DNAJC1: variants seen among roughly 807,000 people sequenced by gnomAD.
DNAJC1 encodes the protein DnaJ heat shock protein family (Hsp40) member C1.
DNAJC1 carries 58 observed loss-of-function variants against 76.6 expected under a neutral mutation model. The ratio of observed to expected loss-of-function variants is 0.76; its 90% CI spans 0.61 to 0.94. DNAJC1 has a LOEUF of 0.94. Ranked by LOEUF, DNAJC1 falls within the 40% of genes least tolerant of loss-of-function variation. The pLI, the probability that DNAJC1 is intolerant of heterozygous loss-of-function variation, is 0.00. For synonymous variants in DNAJC1, 258 were observed against 267.9 expected (o/e 0.96, Z 0.36); for missense variants, 689 against 677.3 (o/e 1.02, Z -0.19).
chr10:21,890,177 TG>T (rs72513867), intron 7 of DNAJC1, among the ~76,000 whole-genome samples: 5 of 56,410 alleles, frequency 8.9e-5, no homozygotes, highest in South Asian at 1.5e-3. Context: ...TTTGGGAGGC[TG>T]GGGGGGGGTG....
intron 8 of DNAJC1, among the ~76,000 whole-genome samples, chr10:21,874,867 T>C (rs1836158856): frequency 6.6e-6 from 1 of 152,108 alleles, no homozygotes; most frequent in East Asian, 1.9e-4. Context: ...TAAAAGTTTT[T>C]TTGTTTTGTT....
intron 9 of DNAJC1, among the ~76,000 whole-genome samples, chr10:21,778,725 C>A (rs1274086325): frequency 6.6e-6 from 1 of 152,212 alleles, no homozygotes; most frequent in Non-Finnish European, 1.5e-5. Context: ...GTTCATCTCA[C>A]TGGGGCTTGT....
chr10:21,865,342 T>C (rs766252811), intron 8 of DNAJC1: 6 of 152,102 alleles, frequency 3.9e-5, no homozygotes, highest in Non-Finnish European at 7.3e-5. Flanking sequence ...AAATAGTGAA[T>C]GAATTAAAAA....
intron 8 of DNAJC1, among the ~76,000 whole-genome samples, chr10:21,845,861 C>G (rs1349921194): frequency 1.3e-5 from 2 of 151,522 alleles, no homozygotes; most frequent in Non-Finnish European, 2.9e-5. Flanking sequence ...GGTAATATGC[C>G]CCCAGGAAGA....
chr10:21,971,942 G>C (rs1036973046), intron 1 of DNAJC1, among the ~76,000 whole-genome samples: 1 of 151,676 alleles, frequency 6.6e-6, no homozygotes, highest in African/African-American at 2.4e-5. Flanking sequence ...TCAAAAATTG[G>C]ACTCTATAAT....
chr10:21,906,838 A>AT (rs1487933080), intron 6 of DNAJC1, among the ~76,000 whole-genome samples: 3 of 152,192 alleles, frequency 2.0e-5, no homozygotes, highest in Non-Finnish European at 4.4e-5. Context: ...AACAGTTAGA[A>AT]TGATATCTTC....
At chr10:21,954,473 C>T (rs544068300) in intron 1 of DNAJC1, among the ~76,000 whole-genome samples, 6 of 152,206 alleles carry the variant, frequency 3.9e-5, no homozygotes, top group Middle Eastern at 3.4e-3. Flanking sequence ...ATATCTCAGT[C>T]GAAGGGCTAC....
At chr10:21,907,610 A>C (rs934929015) in intron 6 of DNAJC1, among the ~76,000 whole-genome samples, 1 of 152,148 alleles carries the variant, frequency 6.6e-6, no homozygotes, top group Admixed American at 6.5e-5. Context: ...CAATATCTCA[A>C]GGTTTATTAC....
chr10:21,833,271 A>G (rs952547747), intron 8 of DNAJC1, among the ~76,000 whole-genome samples: 8 of 152,138 alleles, frequency 5.3e-5, no homozygotes, highest in Admixed American at 1.3e-4. Context: ...GGAGTTTGAG[A>G]CCAGCCTGGC....
chr10:21,849,292 CAAAAAAAAAA>C (rs33953332), intron 8 of DNAJC1, among the ~76,000 whole-genome samples: 8 of 35,860 alleles, frequency 2.2e-4, no homozygotes, highest in South Asian at 1.6e-3. Flanking sequence ...GACTCCGCCT[CAAAAAAAAAA>C]AAAAAAAAAA....
chr10:21,939,136 A>C (rs1324857363), intron 1 of DNAJC1, among the ~76,000 whole-genome samples: 1 of 151,992 alleles, frequency 6.6e-6, no homozygotes, highest in East Asian at 1.9e-4. Context: ...TGATTCACCT[A>C]CCTCAGCCTC....
chr10:21,889,207 G>A (rs555695461), intron 7 of DNAJC1, among the ~76,000 whole-genome samples: 3 of 152,038 alleles, frequency 2.0e-5, no homozygotes, highest in Admixed American at 6.6e-5. Context: ...GGGCAGAAAC[G>A]AGAGAGAGAG....
At chr10:21,976,769 C>T (rs1230498046) in intron 1 of DNAJC1, among the ~76,000 whole-genome samples, 1 of 152,164 alleles carries the variant, frequency 6.6e-6, no homozygotes, top group Non-Finnish European at 1.5e-5. Context: ...CTAGAGAATT[C>T]TGCCTTCCTT....
At chr10:21,806,141 A>C in intron 8 of DNAJC1, 42 bp from the exon 9 acceptor site, 1 of 1,555,202 alleles carries the variant, frequency 6.4e-7, no homozygotes, top group Non-Finnish European at 8.7e-7. Flanking sequence ...AATTGGGAGA[A>C]AATAAAAAGA....
At chr10:21,796,467 T>C (rs1403514991) in intron 9 of DNAJC1, among the ~76,000 whole-genome samples, 1 of 152,194 alleles carries the variant, frequency 6.6e-6, no homozygotes, top group East Asian at 1.9e-4. Flanking sequence ...TAGAAGTTTT[T>C]CTAGAATTGC....
chr10:21,960,637 C>A (rs564673540), intron 1 of DNAJC1, among the ~76,000 whole-genome samples: 5 of 152,230 alleles, frequency 3.3e-5, no homozygotes, highest in Admixed American at 2.0e-4. Context: ...CTGCAGTAAG[C>A]CAAAGTTGCA....
chr10:21,850,081 C>G (rs992981584), intron 8 of DNAJC1, among the ~76,000 whole-genome samples: 1 of 152,112 alleles, frequency 6.6e-6, no homozygotes, highest in East Asian at 1.9e-4. Context: ...CCCACTTTAG[C>G]CACTTCTGTT....
At chr10:21,851,880 C>T (rs1403790228) in intron 8 of DNAJC1, among the ~76,000 whole-genome samples, 1 of 151,720 alleles carries the variant, frequency 6.6e-6, no homozygotes, top group African/African-American at 2.4e-5. Context: ...CAGTGAAACC[C>T]CATCTCTACT....
At chr10:21,818,433 T>C (rs1835107605) in intron 8 of DNAJC1, among the ~76,000 whole-genome samples, 1 of 152,240 alleles carries the variant, frequency 6.6e-6, no homozygotes, top group African/African-American at 2.4e-5. Context: ...CCCAGTCCTG[T>C]GGTCCTGTGA....
Sources: gnomAD v4.1 joint callset for allele counts (sites outside exome capture counted in the v4.1 genomes callset) on GRCh38, gnomAD v4.1.1 for gene constraint, MANE v1.5 for transcripts, NCBI Gene and HGNC (gene_info 2026-07-23, HGNC 2026-07-21) for gene names.